The following UGT1A7 variants were observed in gnomAD, a reference collection of about 807,000 sequenced individuals.
UGT1A7 encodes the protein UDP glucuronosyltransferase family 1 member A7.
In UGT1A7, 33 loss-of-function variants were observed where a neutral mutation model predicts 45.6. That is an observed-to-expected ratio of 0.72 (90% confidence interval 0.55 to 0.97). The LOEUF (loss-of-function observed/expected upper bound fraction) is 0.97, where lower values mean the gene tolerates loss of function less well. Ranked by LOEUF, UGT1A7 falls within the 50% of genes least tolerant of loss-of-function variation. The pLI is 0.00. For synonymous variants in UGT1A7, 274 were observed against 250.6 expected (o/e 1.09, Z -0.88); for missense variants, 684 against 666.2 (o/e 1.03, Z -0.29).
intron 1 of UGT1A7, among the ~76,000 whole-genome samples, chr2:233,709,952 G>A (rs1319460026): frequency 6.6e-6 from 1 of 152,152 alleles, no homozygotes; most frequent in Non-Finnish European, 1.5e-5. Context: ...TCTGTTGCTG[G>A]ATAACAGAAT....
rs987232905 is a variant in UGT1A7, at chr2:233,703,559, T to G, written c.855+20767T>G. Among the ~76,000 whole-genome samples the G allele has an allele frequency of 2.0e-5, 3 of 152,228 alleles. No individual in the cohort carries two copies. In the East Asian group the frequency reaches 5.8e-4, roughly 29 times the overall value. ...ATTTCCCACTTTATTGCTAGTAATA[T>G]TTTTTGTTTTAAGGTCTATATTATC... On this transcript the variant is annotated intron_variant, in intron 1 of 4. Transcript: ENST00000373426.
In UGT1A7 at chr2:233,702,744, C is replaced by A. The variant is rs28899179; in HGVS notation, c.855+19952C>A. The stretch of plus-strand genomic sequence containing the variant: ...TGAACATGGTTTTCTTTTTGGTCCC[C>A]TATTCTAGTGATATGTGTTAATTGA... On this transcript the variant is annotated intron_variant, in intron 1 of 4. Coordinates refer to ENST00000373426, the MANE Select transcript of UGT1A7 (RefSeq NM_019077.3). Among the ~76,000 whole-genome samples, 1,245 of 152,216 alleles carry A rather than the reference C, an allele frequency of 8.2e-3. 20 individuals are homozygous for A. Among genetic ancestry groups the A allele is most frequent in the African/African-American group, 0.028 (1,155 of 41,538 alleles).
At chr2:233,757,533 GGAA>G in intron 1 of UGT1A7, among the ~76,000 whole-genome samples, 1 of 52,410 alleles carries the variant, frequency 1.9e-5, no homozygotes, top group African/African-American at 1.3e-4. Context: ...TTGCCTGTAA[GGAA>G]TATATATATA....
At chr2:233,772,241 C>T (rs200350292) in intron 4 of UGT1A7, 21 bp from the exon 5 acceptor site, 139 of 1,614,076 alleles carry the variant, frequency 8.6e-5, no homozygotes, top group Admixed American at 1.2e-4. Flanking sequence ...CCAGGCATAA[C>T]GAAACTGTCT....
chr2:233,719,869 A>G (rs1253818666), intron 1 of UGT1A7, among the ~76,000 whole-genome samples: 1 of 152,178 alleles, frequency 6.6e-6, no homozygotes, highest in Non-Finnish European at 1.5e-5. Flanking sequence ...ACTGAGAGGA[A>G]GAAGAGGCAC....
At chr2:233,718,331 G>A (rs1043504676) in intron 1 of UGT1A7, among the ~76,000 whole-genome samples, 5 of 152,242 alleles carry the variant, frequency 3.3e-5, no homozygotes, top group African/African-American at 4.8e-5. Context: ...GCTTAGCAAT[G>A]TTGTATGTCT....
chr2:233,755,029 T>TGCC (rs1403336975), intron 1 of UGT1A7: 1 of 1,312,020 alleles, frequency 7.6e-7, no homozygotes, highest in Admixed American at 1.9e-5. Flanking sequence ...TTGAAGGGCC[T>TGCC]GCCGCCTGCG....
chr2:233,743,834 A>G lies in UGT1A7; in HGVS notation c.856-23200A>G, dbSNP rs1692538057. 1 of 1,366,970 alleles carries G rather than the reference A, an allele frequency of 7.3e-7. No homozygotes were observed. Among genetic ancestry groups the G allele is most frequent in the South Asian group, 1.1e-5 (1 of 88,054 alleles). The allele number at this position is 1,366,970 out of a possible 1,614,324, so 84.7% of individuals were successfully genotyped here. On this transcript the variant is annotated intron_variant, in intron 1 of 4. Coordinates refer to ENST00000373426, the MANE Select transcript of UGT1A7 (RefSeq NM_019077.3). ...AGGGTTTTTGTCGGGGTGCCACTTG[A>G]GCGCCAGCTTGCGGTACGCCTTCTT...
At chr2:233,695,257 C>T (rs1220759210) in intron 1 of UGT1A7, among the ~76,000 whole-genome samples, 1 of 151,850 alleles carries the variant, frequency 6.6e-6, no homozygotes, top group African/African-American at 2.4e-5. Flanking sequence ...TCCTGAGTAG[C>T]TGGGACTATA....
intron 1 of UGT1A7, among the ~76,000 whole-genome samples, chr2:233,725,932 G>A (rs2077483924): frequency 6.6e-6 from 1 of 152,164 alleles, no homozygotes. Context: ...TTGGGAGACT[G>A]ATGCAGGAGG....
chr2:233,719,934 T>C (rs747645753), intron 1 of UGT1A7, among the ~76,000 whole-genome samples: 3 of 152,106 alleles, frequency 2.0e-5, no homozygotes, highest in African/African-American at 7.2e-5. Context: ...CGGACAGTGT[T>C]TGTAAAGGCA....
chr2:233,763,501 T>C (rs1395198282), intron 1 of UGT1A7, among the ~76,000 whole-genome samples: 3 of 152,238 alleles, frequency 2.0e-5, no homozygotes, highest in Non-Finnish European at 4.4e-5. Context: ...CAGTTTACTT[T>C]ATGTTTAGTT....
chr2:233,754,974 ACCTCGG>A (rs1369157258), intron 1 of UGT1A7: 6 of 1,299,856 alleles, frequency 4.6e-6, no homozygotes, highest in Non-Finnish European at 6.2e-6. Context: ...CTCCCTGAAG[ACCTCGG>A]CGGGGTCACG....
At chr2:233,702,551 G>A (rs1489812994) in intron 1 of UGT1A7, among the ~76,000 whole-genome samples, 1 of 152,126 alleles carries the variant, frequency 6.6e-6, no homozygotes, top group Admixed American at 6.5e-5. Flanking sequence ...CTTAGGTGGG[G>A]AAGTATTCAG....
intron 1 of UGT1A7, chr2:233,752,526 A>C (rs1482911253): frequency 2.0e-5 from 3 of 152,234 alleles, no homozygotes; most frequent in Non-Finnish European, 4.4e-5. Context: ...AATTCTAAAA[A>C]TTCTTTAAAT....
chr2:233,725,046 G>T (rs1307782959), intron 1 of UGT1A7, among the ~76,000 whole-genome samples: 2 of 147,958 alleles, frequency 1.4e-5, no homozygotes, highest in Non-Finnish European at 3.0e-5. Context: ...AACCAGTCAG[G>T]CGTGGCGGCG....
intron 1 of UGT1A7, among the ~76,000 whole-genome samples, chr2:233,710,615 T>C (rs2076139654): frequency 6.6e-6 from 1 of 152,224 alleles, no homozygotes; most frequent in Non-Finnish European, 1.5e-5. Flanking sequence ...TTTGTCTTCT[T>C]ATATTTGAGT....
chr2:233,704,330 C>T (rs1355795459), intron 1 of UGT1A7, among the ~76,000 whole-genome samples: 1 of 143,058 alleles, frequency 7.0e-6, no homozygotes, highest in African/African-American at 2.7e-5. Flanking sequence ...TTTCTTTCCA[C>T]TATTTAAAAA....
chr2:233,718,833 C>T, intron 1 of UGT1A7: 2 of 1,613,592 alleles, frequency 1.2e-6, no homozygotes, highest in Non-Finnish European at 8.5e-7. Context: ...GGCCAGAGGA[C>T]TCCAGGTTCC....
Sources: allele counts gnomAD v4.1 joint callset (sites outside exome capture counted in the v4.1 genomes callset), GRCh38; gene constraint gnomAD v4.1.1; transcripts MANE v1.5; gene names NCBI Gene and HGNC (gene_info 2026-07-23, HGNC 2026-07-21).